Variants in MS4A8 observed in about 807,000 individuals in gnomAD.
MS4A8 encodes the protein membrane spanning 4-domains A8, also known as membrane-spanning 4-domains subfamily A member 8.
Under a neutral mutation model 23.7 loss-of-function variants are expected in MS4A8, and 27 were observed. The observed-to-expected ratio is 1.14, with a 90% CI of 0.84 to 1.57. MS4A8 has a LOEUF of 1.57. MS4A8 is among the 40% of genes most tolerant of loss of function. The pLI, the probability that MS4A8 is intolerant of heterozygous loss-of-function variation, is 0.00. For synonymous variants in MS4A8, 138 were observed against 126.3 expected, an observed-to-expected ratio of 1.09 and a Z score of -0.62; for missense variants, 301 against 311.4, an observed-to-expected ratio of 0.97 and a Z score of 0.25.
intron 5 of MS4A8, among the ~76,000 whole-genome samples, chr11:60,713,298 T>C (rs7121675): frequency 0.046 from 6,966 of 152,132 alleles, 504 homozygotes; most frequent in African/African-American, 0.16. Context: ...AAAGGGGGCC[T>C]AGGGGACCGG....
chr11:60,708,659 A>C lies in MS4A8; in HGVS notation c.412A>C (p.Ser138Arg), dbSNP rs1290922278. Residue 138 changes from serine to arginine, a missense_variant, in exon 5 of 7, where the codon AGT becomes CGT. Transcript: ENST00000300226. ...TCTGTGTCTTCTTCAGCTGTCTGGC[A>C]GTTTGGGCTTGAACATCGTCAGTGC... Reference protein sequence around the residue: ...QPYSYCLLSGSLGLNIVSAIC... With the variant: ...QPYSYCLLSGRLGLNIVSAIC... 2 of 1,535,646 alleles carry C rather than the reference A, an allele frequency of 1.3e-6. No individual in the cohort carries two copies. The highest frequency in any genetic ancestry group is 2.4e-5 in the East Asian group (1 of 42,344).
intron 2 of MS4A8, chr11:60,702,948 T>A (rs2088217102): frequency 6.6e-6 from 1 of 152,454 alleles, no homozygotes; most frequent in African/African-American, 2.4e-5. Flanking sequence ...TAGAAGGATG[T>A]TTATCACAAT....
chr11:60,705,106 CGACA>C (rs2088244871), intron 3 of MS4A8, among the ~76,000 whole-genome samples: 1 of 152,192 alleles, frequency 6.6e-6, no homozygotes, highest in African/African-American at 2.4e-5. Flanking sequence ...TCTCCATCCC[CGACA>C]GCCACACAAG....
At chr11:60,703,623 A>G in intron 3 of MS4A8, 123 bp downstream of exon 3, 1 of 1,188,664 alleles carries the variant, frequency 8.4e-7, no homozygotes, top group Non-Finnish European at 1.2e-6. Flanking sequence ...TGTGGGGGAT[A>G]GGAAACCAGC....
In MS4A8 at chr11:60,707,158, A is replaced by G. The variant is rs368016193; in HGVS notation, c.402+111A>G. ...CTCCCCCAGCCTTGCACCTACTATA[A>G]CCAGACACACGGTGCTCACACACAT... On this transcript the variant is annotated intron_variant, in intron 4 of 6. Coordinates refer to ENST00000300226, the MANE Select transcript of MS4A8 (RefSeq NM_031457.2). 2.3e-4 allele frequency: 232 copies of G among 991,546 alleles called. 1 individual carries two copies. The East Asian group carries it at 4.6e-3, about 19-fold the overall frequency. 61.4% of individuals were successfully genotyped at this position (991,546 alleles called of 1,614,324 possible).
At chr11:60,702,341 T>C (rs1332134349) in intron 2 of MS4A8, among the ~76,000 whole-genome samples, 5 of 152,246 alleles carry the variant, frequency 3.3e-5, no homozygotes, top group Non-Finnish European at 7.3e-5. Flanking sequence ...GCAGAATGAT[T>C]GTATGGGTAC....
rs2088337933 is a variant in MS4A8, at chr11:60,715,641, G to A, written c.*227G>A. 3 of 532,498 alleles carry A rather than the reference G, an allele frequency of 5.6e-6. No individual in the cohort carries two copies. Among genetic ancestry groups the A allele is most frequent in the African/African-American group, 1.9e-5 (1 of 52,280 alleles). 33.0% of individuals were successfully genotyped at this position (532,498 alleles called of 1,614,324 possible). A position where few individuals can be genotyped will look rare whatever the true frequency, so the allele number is the denominator to read the frequency against. The stretch of plus-strand genomic sequence containing the variant: ...ATGTTAACCAAGAGGGACTCCCTAG[G>A]GCACATGCATCAGCACATATGTGGG... On this transcript the variant is annotated 3_prime_UTR_variant, in exon 7 of 7. Coordinates refer to ENST00000300226, the MANE Select transcript of MS4A8 (RefSeq NM_031457.2).
At position 60,701,218 on chromosome 11, in the gene MS4A8, A is replaced by G. The variant is rs565348348; in HGVS notation, c.219+139A>G. 8.8e-6 allele frequency: 7 copies of G among 794,360 alleles called. No homozygotes were observed. In the East Asian group the frequency reaches 1.9e-4, roughly 21 times the overall value. The allele number at this position is 794,360 out of a possible 1,614,324, so 49.2% of individuals were successfully genotyped here. On this transcript the variant is annotated intron_variant, in intron 2 of 6. Coordinates refer to ENST00000300226, the MANE Select transcript of MS4A8 (RefSeq NM_031457.2). ...ATCGCGCCTTGCCAAGCACAGGTCT[A>G]TTAGAAAGCTCAGCTGCACAACATC...
chr11:60,709,708 T>TC (rs1400645811), intron 5 of MS4A8, among the ~76,000 whole-genome samples: 3 of 152,188 alleles, frequency 2.0e-5, no homozygotes, highest in Non-Finnish European at 4.4e-5. Flanking sequence ...GTCCCTCCTC[T>TC]CCTACCTGCT....
intron 2 of MS4A8, chr11:60,701,468 A>G (rs888060543): frequency 2.7e-5 from 10 of 372,838 alleles, no homozygotes; most frequent in African/African-American, 6.4e-5. Flanking sequence ...ACAGGAAACA[A>G]AGCAGGTTAG....
chr11:60,708,502 G>GA, intron 4 of MS4A8, 148 bp from the exon 5 acceptor site: 1 of 738,486 alleles, frequency 1.4e-6, no homozygotes, highest in Non-Finnish European at 2.0e-6. Context: ...TGTAACACTT[G>GA]AAAATGATTA....
In MS4A8 at chr11:60,715,309, GGTGA is replaced by G; in HGVS notation, c.652_655del (p.Val219SerfsTer11). The G allele has an allele frequency of 6.2e-7, 1 of 1,613,808 alleles. No homozygotes were observed. Among genetic ancestry groups the G allele is most frequent in the Non-Finnish European group, 8.5e-7 (1 of 1,179,822 alleles). The stretch of plus-strand genomic sequence containing the variant: ...GCCCCCTGTGTGCCTGTGTTTTCCA[GGTGA>G]GTGTCATCTATCCAAACATCTATGC... On this transcript the variant is annotated frameshift_variant and splice_region_variant, in exon 7 of 7. Coordinates refer to ENST00000300226, the MANE Select transcript of MS4A8 (RefSeq NM_031457.2). LOFTEE classifies it low-confidence loss of function (END_TRUNC).
At chr11:60,703,064 C>T (rs142489711) in intron 2 of MS4A8, 61 of 200,896 alleles carry the variant, frequency 3.0e-4, no homozygotes, top group African/African-American at 1.4e-3. Flanking sequence ...CCTGAAAAAA[C>T]ATATGTTCCA....
At chr11:60,707,525 A>G (rs1362637730) in intron 4 of MS4A8, among the ~76,000 whole-genome samples, 1 of 152,238 alleles carries the variant, frequency 6.6e-6, no homozygotes, top group Non-Finnish European at 1.5e-5. Flanking sequence ...CAACATGGAC[A>G]AAGCTTTGTG....
intron 2 of MS4A8, chr11:60,701,384 G>A (rs1402965472): frequency 1.6e-5 from 8 of 512,380 alleles, no homozygotes; most frequent in East Asian, 1.0e-4. Context: ...TCTGAAGAAA[G>A]GGGTCCCAGC....
Position 60,715,047 on chromosome 11 carries a change from G to A in MS4A8, c.561G>A (p.Val187=), listed in dbSNP as rs748203233. The part of the protein sequence containing the change: ...GVNPGMAISG[V]LLVFCLLEFG... ...ACCCTGGAATGGCGATTTCTGGCGT[G>A]CTGCTGGTCTTCTGCCTCCTGGAGT... The change falls in exon 6 of 7, where the codon GTG becomes GTA. Residue 187 remains valine (V), a synonymous_variant. Coordinates refer to ENST00000300226, the MANE Select transcript of MS4A8 (RefSeq NM_031457.2). The A allele has an allele frequency of 3.7e-6, 6 of 1,614,096 alleles. No individual in the cohort carries two copies. In the Admixed American group the frequency reaches 8.3e-5, roughly 22 times the overall value.
chr11:60,710,340 C>G (rs1375978606), intron 5 of MS4A8, among the ~76,000 whole-genome samples: 3 of 152,212 alleles, frequency 2.0e-5, no homozygotes, highest in Non-Finnish European at 2.9e-5. Flanking sequence ...AGTCTGATCT[C>G]CAGATTTCAC....
intron 5 of MS4A8, among the ~76,000 whole-genome samples, chr11:60,714,290 C>T (rs1373847358): frequency 6.6e-6 from 1 of 152,112 alleles, no homozygotes. Context: ...CTGCACAACC[C>T]TTAATCCATC....
intron 1 of MS4A8, among the ~76,000 whole-genome samples, chr11:60,700,423 G>A (rs1307955535): frequency 6.6e-6 from 1 of 152,180 alleles, no homozygotes; most frequent in Non-Finnish European, 1.5e-5. Context: ...GCGGGGGCCT[G>A]TAATCCCAGA....
Sources: gnomAD v4.1 joint callset for allele counts (sites outside exome capture counted in the v4.1 genomes callset) on GRCh38, gnomAD v4.1.1 for gene constraint, MANE v1.5 for transcripts, NCBI Gene and HGNC (gene_info 2026-07-23, HGNC 2026-07-21) for gene names.